PRKAR1A: variants seen among roughly 807,000 people sequenced by gnomAD.
PRKAR1A encodes the protein protein kinase cAMP-dependent type I regulatory subunit alpha, also known as cAMP-dependent protein kinase type I-alpha regulatory subunit.
Under a neutral mutation model 52.0 loss-of-function variants are expected in PRKAR1A, and 3 were observed. That is an observed-to-expected ratio of 0.06 (90% CI 0.03 to 0.15). The LOEUF (loss-of-function observed/expected upper bound fraction) is 0.15, where lower values mean the gene tolerates loss of function less well. Ranked by LOEUF, PRKAR1A falls within the 10% of genes least tolerant of loss-of-function variation. The pLI, the probability that PRKAR1A is intolerant of heterozygous loss-of-function variation, is 1.00. For missense variants in PRKAR1A, 240 were observed against 477.4 expected, an observed-to-expected ratio of 0.50 and a Z score of 4.63; for synonymous variants, 188 against 168.4, an observed-to-expected ratio of 1.12 and a Z score of -0.90.
At chr17:68,497,906 G>T in the PRKAR1A span, among the ~76,000 whole-genome samples, 1,341 of 152,320 alleles carry the variant, frequency 8.8e-3, 29 homozygotes, top group African/African-American at 0.031. Flanking sequence ...ACAAGGCAGA[G>T]AAATAATTAA....
chr17:68,540,827 G>A, intron 11 of PRKAR1A: 2 of 1,578,082 alleles, frequency 1.3e-6, no homozygotes, highest in Non-Finnish European at 1.7e-6. Context: ...CTTCTGCTGG[G>A]GGCCTGCGTG....
the PRKAR1A span, among the ~76,000 whole-genome samples, chr17:68,423,834 C>T: frequency 6.6e-6 from 1 of 152,130 alleles, no homozygotes; most frequent in Non-Finnish European, 1.5e-5. This position sits in a 1 kb window ranked among gnomAD's most constrained non-coding sequence, Gnocchi z 4.4. Context: ...TCCACATTAC[C>T]CCAATTCTGT....
chr17:68,433,321 C>T, the PRKAR1A span: 4 of 751,272 alleles, frequency 5.3e-6, no homozygotes, highest in East Asian at 2.7e-5. Flanking sequence ...CAAAGTTTTG[C>T]TAACACACAC....
chr17:68,469,896 CAG>C, the PRKAR1A span, among the ~76,000 whole-genome samples: 1 of 151,996 alleles, frequency 6.6e-6, no homozygotes, highest in Non-Finnish European at 1.5e-5. Flanking sequence ...ATACAAAACA[CAG>C]GGAGAACAGA....
intron 1 of PRKAR1A, 105 bp from the exon 2 acceptor site, chr17:68,515,289 A>G (rs2085394310): frequency 1.5e-6 from 2 of 1,340,656 alleles, no homozygotes; most frequent in Middle Eastern, 2.6e-4. Flanking sequence ...CTACTTAGAA[A>G]AAAATCCCTG....
chr17:68,534,963 G>A (rs1005668538), downstream of PRKAR1A: 13 of 289,552 alleles, frequency 4.5e-5, no homozygotes, highest in African/African-American at 2.6e-4. Context: ...AAACTAACTC[G>A]TAAGAGAATG....
chr17:68,466,192 T>G, the PRKAR1A span, among the ~76,000 whole-genome samples: 1 of 152,156 alleles, frequency 6.6e-6, no homozygotes, highest in Non-Finnish European at 1.5e-5. Context: ...CCTTTCCTAT[T>G]AATTACTGGG....
the PRKAR1A span, among the ~76,000 whole-genome samples, chr17:68,418,583 A>G: frequency 1.3e-5 from 2 of 152,216 alleles, no homozygotes; most frequent in Admixed American, 1.3e-4. Context: ...GCCAGATTGG[A>G]CCAGAAGGCT....
rs532468741 is a variant in PRKAR1A, at chr17:68,530,534, G to A, written c.*85G>A. 40 of 1,609,598 alleles carry A rather than the reference G, an allele frequency of 2.5e-5. 1 individual carries two copies. The highest frequency in any genetic ancestry group is 1.7e-4 in the Middle Eastern group (1 of 6,052). Reference sequence around the variant, plus strand: ...CTGCTTTATTTTCCCTACTTGCAGCGCCAAGTGGCCACTGGCATCGCAGCT... The same window carrying A: ...CTGCTTTATTTTCCCTACTTGCAGCACCAAGTGGCCACTGGCATCGCAGCT... On this transcript the variant is annotated 3_prime_UTR_variant, in exon 11 of 11. Transcript: ENST00000589228.
chr17:68,529,861 G>T, intron 9 of PRKAR1A, 59 bp from the exon 10 acceptor site: 2 of 1,522,574 alleles, frequency 1.3e-6, no homozygotes, highest in Non-Finnish European at 1.8e-6. Flanking sequence ...GGATGTTTAA[G>T]GTGCCACCCT....
the PRKAR1A span, among the ~76,000 whole-genome samples, chr17:68,489,231 G>GATATATAT: frequency 2.3e-4 from 3 of 12,864 alleles, no homozygotes; most frequent in Non-Finnish European, 4.0e-4. Flanking sequence ...TATATATATG[G>GATATATAT]AAAGTATATA....
At chr17:68,501,130 G>C in the PRKAR1A span, among the ~76,000 whole-genome samples, 1 of 152,132 alleles carries the variant, frequency 6.6e-6, no homozygotes, top group Non-Finnish European at 1.5e-5. Flanking sequence ...GTGTCATCTT[G>C]GTTTCCAGTA....
At chr17:68,455,035 G>A in the PRKAR1A span, among the ~76,000 whole-genome samples, 3 of 152,064 alleles carry the variant, frequency 2.0e-5, no homozygotes, top group Non-Finnish European at 4.4e-5. Context: ...ACAGAGCTTG[G>A]GACAAATATT....
At position 68,539,976 on chromosome 17, in the gene PRKAR1A, A is replaced by G. The variant is rs769887946; in HGVS notation, c.973+9975A>G. ...TGCCGGTCCATATTCCCTGTGAAGG[A>G]GGGGAGGACTTAGCTGGAACCAGCA... On this transcript the variant is annotated intron_variant, in intron 11 of 11. Transcript: ENST00000585981. 2.5e-6 allele frequency: 4 copies of G among 1,613,714 alleles called. No homozygotes were observed. The highest frequency in any genetic ancestry group is 3.4e-6 in the Non-Finnish European group (4 of 1,179,718).
downstream of PRKAR1A, chr17:68,537,566 T>G: frequency 1.2e-6 from 2 of 1,613,476 alleles, no homozygotes; most frequent in Non-Finnish European, 1.7e-6. The surrounding 1 kb of genome is among the most constrained non-coding windows in gnomAD (Gnocchi z 4.2). Flanking sequence ...TGGGCCACTA[T>G]GCACCCCTCC....
chr17:68,469,566 G>A, the PRKAR1A span, among the ~76,000 whole-genome samples: 11 of 151,674 alleles, frequency 7.3e-5, no homozygotes, highest in Non-Finnish European at 1.5e-5. Context: ...AGAATCAGTT[G>A]CTTAAATATC....
the PRKAR1A span, among the ~76,000 whole-genome samples, chr17:68,455,423 G>A: frequency 1.3e-5 from 2 of 151,024 alleles, no homozygotes; most frequent in African/African-American, 4.9e-5. Flanking sequence ...CGAAGTATGA[G>A]CGTAGGGGAC....
rs1600484143 is a variant in PRKAR1A, at chr17:68,524,915, A to G, written c.506A>G (p.Asp169Gly). Residue 169 changes from aspartate (D) to glycine (G), a missense_variant, in exon 6 of 11, where the codon GAT becomes GGT. Physicochemically the swap from Asp to Gly is moderately conservative, Grantham distance 94. Around this residue, in one of 4 missense-constraint regions of PRKAR1A, gnomAD observed 107 missense variants for 290.9 expected, o/e 0.37. Coordinates refer to ENST00000589228, the MANE Select transcript of PRKAR1A (RefSeq NM_002734.5). Reference sequence around the variant, plus strand: ...TAACTTTTTTACCCTCTTTTAGGTGATGAAGGGGATAACTTCTATGTGATT... The same window carrying G: ...TAACTTTTTTACCCTCTTTTAGGTGGTGAAGGGGATAACTTCTATGTGATT... ...IAGETVIQQG[D>G]EGDNFYVIDQ... The G allele has an allele frequency of 6.2e-7, 1 of 1,607,228 alleles. No individual in the cohort carries two copies. Among genetic ancestry groups the G allele is most frequent in the Non-Finnish European group, 8.5e-7 (1 of 1,173,936 alleles).
At chr17:68,541,308 A>G (rs2086281141) in intron 11 of PRKAR1A, 1 of 331,380 alleles carries the variant, frequency 3.0e-6, no homozygotes, top group Non-Finnish European at 5.9e-6. Context: ...ACCCTGCGCC[A>G]CTCATAGCAC....
Sources: gnomAD v4.1 joint callset for allele counts (sites outside exome capture counted in the v4.1 genomes callset) on GRCh38, gnomAD v4.1.1 for gene constraint, gnomAD v4.1.1 regional missense constraint, Gnocchi (gnomAD v3.1) non-coding constraint, MANE v1.5 for transcripts, NCBI Gene and HGNC (gene_info 2026-07-23, HGNC 2026-07-21) for gene names.